Variants in ZNF782 observed in about 807,000 individuals in gnomAD.
The protein encoded by ZNF782 is zinc finger protein 782.
Under a neutral mutation model 13.0 loss-of-function variants are expected in ZNF782, and 12 were observed. That is an observed-to-expected ratio of 0.92 (90% CI 0.59 to 1.50). The LOEUF (loss-of-function observed/expected upper bound fraction) is 1.50. ZNF782 is among the 40% of genes most tolerant of loss of function. The pLI, the probability that ZNF782 is intolerant of heterozygous loss-of-function variation, is 0.00. For synonymous variants in ZNF782, 284 were observed against 283.0 expected (o/e 1.00, Z -0.04); for missense variants, 770 against 822.9 (o/e 0.94, Z 0.79).
At chr9:96,874,660 G>C (rs1410193) in intron 1 of ZNF782, among the ~76,000 whole-genome samples, 5,640 of 152,266 alleles carry the variant, frequency 0.037, 341 homozygotes, top group African/African-American at 0.13. Context: ...CGTCCTGTCT[G>C]GGCTTTTCTG....
chr9:96,883,933 G>C, the ZNF782 span, among the ~76,000 whole-genome samples: 4 of 152,290 alleles, frequency 2.6e-5, no homozygotes, highest in Admixed American at 2.6e-4. Context: ...CACAGACAAT[G>C]AAACAAAAGC....
chr9:96,879,075 T>G (rs1851930302), upstream of ZNF782, among the ~76,000 whole-genome samples: 1 of 152,254 alleles, frequency 6.6e-6, no homozygotes, highest in Non-Finnish European at 1.5e-5. Context: ...CATATATTCA[T>G]TCAACAGACA....
chr9:96,831,108 A>T (rs1010385181), intron 4 of ZNF782, among the ~76,000 whole-genome samples: 2 of 152,142 alleles, frequency 1.3e-5, no homozygotes, highest in African/African-American at 4.8e-5. Context: ...AGGGGAGAAA[A>T]GGGAGAAAGG....
Position 96,849,126 on chromosome 9 carries a change from T to C in ZNF782, c.15+2821A>G, listed in dbSNP as rs144791499. On this transcript the variant is annotated intron_variant, in intron 3 of 5. Transcript: ENST00000481138. ...CCCCAACCTTTTTGGCACCAGGAAC[T>C]GGTTTCCTGGAAGACAATTTTTCCA... 3.6e-3 allele frequency among the ~76,000 whole-genome samples: 556 copies of C among 152,340 alleles called. 11 individuals are homozygous for C. The highest frequency in any genetic ancestry group is 0.036 in the South Asian group (172 of 4,830).
upstream of ZNF782, among the ~76,000 whole-genome samples, chr9:96,876,168 A>AT (rs1289232526): frequency 2.0e-5 from 3 of 152,222 alleles, no homozygotes; most frequent in Non-Finnish European, 4.4e-5. Context: ...GTTGGAAACA[A>AT]TTTGGGAAAT....
chr9:96,884,396 G>A, the ZNF782 span, among the ~76,000 whole-genome samples: 4 of 152,186 alleles, frequency 2.6e-5, no homozygotes, highest in Non-Finnish European at 4.4e-5. Flanking sequence ...CCTCCACTTG[G>A]CAACAACAAG....
chr9:96,859,766 T>C (rs1851682937), intron 3 of ZNF782, among the ~76,000 whole-genome samples: 1 of 152,176 alleles, frequency 6.6e-6, no homozygotes, highest in African/African-American at 2.4e-5. Flanking sequence ...AGGATTTTTC[T>C]GGAGCTTAGA....
At chr9:96,831,315 T>A (rs1850792856) in intron 4 of ZNF782, among the ~76,000 whole-genome samples, 1 of 152,230 alleles carries the variant, frequency 6.6e-6, no homozygotes, top group South Asian at 2.1e-4. Context: ...AACACAGAAC[T>A]ATACACTTGT....
intron 4 of ZNF782, among the ~76,000 whole-genome samples, chr9:96,838,253 T>C (rs1247637284): frequency 2.0e-5 from 3 of 152,246 alleles, no homozygotes; most frequent in South Asian, 2.1e-4. Flanking sequence ...ATGATTTCTG[T>C]ACTTTTTCAT....
chr9:96,916,198 G>GAACT, the ZNF782 span, among the ~76,000 whole-genome samples: 1 of 151,876 alleles, frequency 6.6e-6, no homozygotes, highest in East Asian at 1.9e-4. Context: ...CTTGTCCCAA[G>GAACT]AACTCCTTTC....
chr9:96,825,746 A>G (rs1850595101), intron 5 of ZNF782, among the ~76,000 whole-genome samples: 1 of 152,358 alleles, frequency 6.6e-6, no homozygotes, highest in Non-Finnish European at 1.5e-5. Flanking sequence ...AAGGACATGA[A>G]CAGACACTTC....
At chr9:96,839,357 G>C (rs1224451989) in intron 4 of ZNF782, among the ~76,000 whole-genome samples, 3 of 149,650 alleles carry the variant, frequency 2.0e-5, no homozygotes, top group Non-Finnish European at 4.4e-5. Context: ...CTGAGAAAGA[G>C]GTGTCATTTC....
chr9:96,858,102 T>G (rs945350472), upstream of ZNF782, among the ~76,000 whole-genome samples: 12 of 152,216 alleles, frequency 7.9e-5, no homozygotes, highest in African/African-American at 1.2e-4. The surrounding 1 kb of genome is among the most constrained non-coding windows in gnomAD (Gnocchi z 4.4). Flanking sequence ...GCCTCTAGAC[T>G]GTGAAAAATG....
intron 2 of ZNF782, among the ~76,000 whole-genome samples, chr9:96,852,261 G>A (rs1588170651): frequency 1.3e-5 from 2 of 152,224 alleles, no homozygotes; most frequent in African/African-American, 4.8e-5. Flanking sequence ...CAATGCACAT[G>A]TGCTTCTAAC....
At chr9:96,869,785 CT>C (rs933953265) in intron 1 of ZNF782, among the ~76,000 whole-genome samples, 1 of 152,118 alleles carries the variant, frequency 6.6e-6, no homozygotes, top group African/African-American at 2.4e-5. Flanking sequence ...CCTTTTGATG[CT>C]TTAGTCATTA....
chr9:96,826,893 T>C (rs1325717436), intron 5 of ZNF782, among the ~76,000 whole-genome samples, 187 bp downstream of exon 5: 1 of 152,224 alleles, frequency 6.6e-6, no homozygotes, highest in Non-Finnish European at 1.5e-5. Flanking sequence ...TGGGGAACTA[T>C]CTGAACTCTC....
the ZNF782 span, among the ~76,000 whole-genome samples, chr9:96,933,182 G>A: frequency 6.7e-6 from 1 of 149,742 alleles, no homozygotes; most frequent in Non-Finnish European, 1.5e-5. Flanking sequence ...GTTTCACCAT[G>A]TTAGCCAGGA....
intron 4 of ZNF782, among the ~76,000 whole-genome samples, chr9:96,835,523 G>C (rs1401307202): frequency 6.6e-6 from 1 of 152,174 alleles, no homozygotes; most frequent in Non-Finnish European, 1.5e-5. Context: ...TCAGGGGAAA[G>C]GGCCAGGCTG....
At chr9:96,887,957 G>T in the ZNF782 span, 3 of 140,732 alleles carry the variant, frequency 2.1e-5, no homozygotes, top group Non-Finnish European at 4.5e-5. Context: ...TCATAGGTGG[G>T]AATTGAACAA....
Sources: allele counts gnomAD v4.1 joint callset (sites outside exome capture counted in the v4.1 genomes callset), GRCh38; gene constraint gnomAD v4.1.1; non-coding constraint Gnocchi (gnomAD v3.1); transcripts MANE v1.5; gene names NCBI Gene and HGNC (gene_info 2026-07-23, HGNC 2026-07-21).